The following SAMMSON variants were observed in gnomAD, a reference collection of about 807,000 sequenced individuals.
The protein encoded by SAMMSON is long intergenic non-protein coding RNA 1212.
At chr3:70,105,857 A>G (rs140329696) in intron 4 of SAMMSON, among the ~76,000 whole-genome samples, 45 of 152,210 alleles carry the variant, frequency 3.0e-4, no homozygotes, top group African/African-American at 9.2e-4. Flanking sequence ...CTCGAATCAA[A>G]CAATTTGGAT....
intron 4 of SAMMSON, among the ~76,000 whole-genome samples, chr3:70,109,792 T>A (rs1467512318): frequency 6.6e-6 from 1 of 152,182 alleles, no homozygotes; most frequent in East Asian, 1.9e-4. Flanking sequence ...CCTTAAAAGA[T>A]CCTCTAAGGA....
At chr3:70,038,362 A>G (rs1284429593) in intron 3 of SAMMSON, among the ~76,000 whole-genome samples, 1 of 152,118 alleles carries the variant, frequency 6.6e-6, no homozygotes, top group Admixed American at 6.6e-5. Flanking sequence ...ACCATGTGAT[A>G]TCTTTGCACA....
At chr3:70,416,172 C>T (rs1189665613) in intron 2 of SAMMSON, among the ~76,000 whole-genome samples, 1 of 152,134 alleles carries the variant, frequency 6.6e-6, no homozygotes, top group South Asian at 2.1e-4. Context: ...TTTCTCAGTT[C>T]GTGGTCAAAC....
intron 3 of SAMMSON, among the ~76,000 whole-genome samples, chr3:70,032,982 T>A (rs1276749666): frequency 6.6e-6 from 1 of 152,118 alleles, no homozygotes; most frequent in African/African-American, 2.4e-5. Flanking sequence ...TCTGACACAC[T>A]GAGAGTGTGA....
At chr3:70,219,927 C>T (rs765684060) in intron 4 of SAMMSON, among the ~76,000 whole-genome samples, 4 of 152,060 alleles carry the variant, frequency 2.6e-5, no homozygotes, top group Admixed American at 6.6e-5. Context: ...GATGGTACTG[C>T]GATGTATTTC....
chr3:70,250,617 G>A (rs777317387), intron 6 of SAMMSON, among the ~76,000 whole-genome samples: 2 of 152,258 alleles, frequency 1.3e-5, no homozygotes, highest in Non-Finnish European at 2.9e-5. Context: ...TTTGTTCAGC[G>A]AATGTGTGTA....
chr3:70,171,944 G>A (rs184418218), intron 4 of SAMMSON, among the ~76,000 whole-genome samples: 238 of 151,404 alleles, frequency 1.6e-3, no homozygotes, highest in Non-Finnish European at 2.7e-3. Context: ...CTATAGTGGA[G>A]TGATTTGGCT....
rs144140988 is a variant in SAMMSON at position 70,265,447 on chromosome 3, C to T, written n.674+15777C>T. On this transcript the variant is annotated intron_variant and non_coding_transcript_variant, in intron 6 of 9. Transcript: ENST00000642114. The stretch of plus-strand genomic sequence containing the variant: ...TCTCTTGATTTTAGGATTTGATGAC[C>T]ACCACCCCAACCCACCCCACCCTGC... Among the ~76,000 whole-genome samples the T allele has an allele frequency of 1.5e-4, 23 of 152,162 alleles. No individual in the cohort carries two copies. In the East Asian group the frequency reaches 4.5e-3, roughly 30 times the overall value.
chr3:70,180,982 G>A (rs1701049209), intron 4 of SAMMSON, among the ~76,000 whole-genome samples: 1 of 152,142 alleles, frequency 6.6e-6, no homozygotes, highest in Non-Finnish European at 1.5e-5. Context: ...TATGTTGGGG[G>A]ACTAGCTGGG....
intron 3 of SAMMSON, among the ~76,000 whole-genome samples, chr3:70,037,555 G>A (rs1475590806): frequency 6.6e-6 from 1 of 152,146 alleles, no homozygotes; most frequent in Non-Finnish European, 1.5e-5. Flanking sequence ...GACAAATCTG[G>A]TGATATTATC....
chr3:70,238,666 A>G (rs2106639887), intron 4 of SAMMSON, among the ~76,000 whole-genome samples: 1 of 152,196 alleles, frequency 6.6e-6, no homozygotes, highest in Admixed American at 6.6e-5. Flanking sequence ...GGCCAAGAAA[A>G]GAAAGTAAAG....
chr3:70,432,917 T>C (rs1051451105), intron 2 of SAMMSON, among the ~76,000 whole-genome samples: 5 of 152,104 alleles, frequency 3.3e-5, no homozygotes, highest in African/African-American at 1.2e-4. Flanking sequence ...TCATACAGTA[T>C]GTAGTTTTTT....
intron 3 of SAMMSON, among the ~76,000 whole-genome samples, chr3:70,020,028 C>T (rs6549263): frequency 0.98 from 149,481 of 152,244 alleles, 73,395 homozygotes; most frequent in East Asian, 1. Flanking sequence ...TCTCTTTTCA[C>T]AGGCAGAAAC....
chr3:70,008,158 A>G (rs1413164717), intron 1 of SAMMSON, among the ~76,000 whole-genome samples: 2 of 152,122 alleles, frequency 1.3e-5, no homozygotes, highest in African/African-American at 4.8e-5. Context: ...TGAACTTTAA[A>G]GTAGTTTTTT....
At chr3:70,316,764 C>T (rs543791397) in intron 7 of SAMMSON, among the ~76,000 whole-genome samples, 19 of 152,010 alleles carry the variant, frequency 1.2e-4, no homozygotes, top group Non-Finnish European at 2.1e-4. Context: ...ACAAGGCATG[C>T]GAATTCAAGG....
At chr3:70,086,954 C>T (rs1447236756) in intron 4 of SAMMSON, among the ~76,000 whole-genome samples, 1 of 152,078 alleles carries the variant, frequency 6.6e-6, no homozygotes. Flanking sequence ...AGCTACTTGC[C>T]CAAGGTTGCA....
chr3:70,365,736 A>G (rs192772810), intron 9 of SAMMSON, among the ~76,000 whole-genome samples: 16 of 151,890 alleles, frequency 1.1e-4, no homozygotes, highest in Admixed American at 1.0e-3. Context: ...TCTGAGCAGT[A>G]TCTTTCCTCC....
chr3:70,229,288 CA>C (rs1701537099), intron 4 of SAMMSON, among the ~76,000 whole-genome samples: 1 of 152,136 alleles, frequency 6.6e-6, no homozygotes, highest in Non-Finnish European at 1.5e-5. Flanking sequence ...ATTTAGTGGG[CA>C]ACCATGTCAG....
intron 1 of SAMMSON, among the ~76,000 whole-genome samples, chr3:70,001,136 C>T (rs947658228): frequency 4.6e-5 from 7 of 151,810 alleles, no homozygotes; most frequent in Admixed American, 2.6e-4. Flanking sequence ...CAACAATCCC[C>T]GAACTTCTTA....
Sources: gnomAD v4.1 joint callset for allele counts (sites outside exome capture counted in the v4.1 genomes callset) on GRCh38, gnomAD v4.1.1 for gene constraint, MANE v1.5 for transcripts, NCBI Gene and HGNC (gene_info 2026-07-23, HGNC 2026-07-21) for gene names.